MTMR10: variants seen among roughly 807,000 people sequenced by gnomAD.
MTMR10 encodes myotubularin-related protein 10.
A neutral mutation model predicts 88.1 loss-of-function variants in MTMR10; 56 were observed. That is an observed-to-expected ratio of 0.64 (90% confidence interval 0.51 to 0.79). The LOEUF (loss-of-function observed/expected upper bound fraction) is 0.79. Ranked by LOEUF, MTMR10 falls within the 30% of genes least tolerant of loss-of-function variation. MTMR10 has a pLI of 0.00. For missense variants in MTMR10, 883 were observed against 924.7 expected (o/e 0.95, Z 0.58); for synonymous variants, 380 against 340.9 (o/e 1.11, Z -1.26).
rs1194027028 is a variant in MTMR10, at chr15:30,948,448, A to G, written c.1231T>C (p.Cys411Arg). Reference protein sequence around the residue: ...LQEEEGRDLSCCVASLVQVML... With the variant: ...LQEEEGRDLSRCVASLVQVML... ...ACTTGAACAAGAGAAGCTACACAAC[A>G]GCTCAAGTCTCTTCCTTCCTCCTCT... Residue 411 changes from cysteine to arginine, a missense_variant, in exon 13 of 16, where the codon TGT becomes CGT. Around this residue, in one of 3 missense-constraint regions of MTMR10, gnomAD observed 126 missense variants for 178.2 expected, o/e 0.71. Coordinates refer to ENST00000435680, the MANE Select transcript of MTMR10 (RefSeq NM_017762.3). The G allele has an allele frequency of 6.2e-7, 1 of 1,610,084 alleles. No homozygotes were observed. Among genetic ancestry groups the G allele is most frequent in the Non-Finnish European group, 8.5e-7 (1 of 1,177,892 alleles).
At chr15:30,952,891 G>A (rs2063270089) in intron 11 of MTMR10, among the ~76,000 whole-genome samples, 1 of 152,134 alleles carries the variant, frequency 6.6e-6, no homozygotes, top group Non-Finnish European at 1.5e-5. Flanking sequence ...CCAGGTTCAA[G>A]TGATTCTCCT....
chr15:30,974,427 G>A lies in MTMR10; in HGVS notation c.361C>T (p.Leu121=), dbSNP rs780615828. Residue 121 remains leucine, a synonymous_variant, in exon 5 of 16, where the codon CTA becomes TTA. Transcript: ENST00000435680. ...VNDHKRKQKV[L]GPNQKLKFNP... ...AATTTCAGTTTCTGGTTGGGGCCTA[G>A]GACTTTCTGCTTCCTCTTGTGGTCG... is the stretch of plus-strand genomic sequence containing the variant. 10 of 1,577,490 alleles carry A rather than the reference G, an allele frequency of 6.3e-6. No individual in the cohort carries two copies. In the Admixed American group the frequency reaches 1.6e-4, roughly 25 times the overall value.
At position 30,942,032 on chromosome 15, in the gene MTMR10, A is replaced by T; in HGVS notation, c.1772T>A (p.Leu591Ter). The change falls in exon 16 of 16, where the codon TTA becomes TAA. Residue 591 changes from leucine (L) to a stop codon, truncating the protein, a stop_gained. Transcript: ENST00000435680. LOFTEE classifies it low-confidence loss of function (END_TRUNC). The stretch of plus-strand genomic sequence containing the variant: ...TTGGTCACTGATGATTCCATTCTTT[A>T]AGGCAGACGGCATTCCTCTTAGTGT... The part of the protein sequence containing the change: ...SSTLRGMPSA[L>*]KNGIISDQEL... 1.9e-6 allele frequency: 3 copies of T among 1,613,962 alleles called. No homozygotes were observed. Among genetic ancestry groups the T allele is most frequent in the Non-Finnish European group, 2.5e-6 (3 of 1,179,864 alleles).
the MTMR10 span, among the ~76,000 whole-genome samples, chr15:30,918,952 CTTAA>C: frequency 4.6e-5 from 7 of 152,174 alleles, no homozygotes; most frequent in Non-Finnish European, 8.8e-5. Flanking sequence ...TTCCCCACTA[CTTAA>C]TTAATAGCTT....
intron 6 of MTMR10, among the ~76,000 whole-genome samples, chr15:30,965,380 G>C (rs1450375210): frequency 6.6e-6 from 1 of 152,236 alleles, no homozygotes; most frequent in Non-Finnish European, 1.5e-5. Flanking sequence ...CACAGCATCT[G>C]TAAGCAGGAT....
At chr15:30,925,200 G>A in the MTMR10 span, 7 of 1,614,034 alleles carry the variant, frequency 4.3e-6, no homozygotes, top group Non-Finnish European at 4.2e-6. Flanking sequence ...CTGTATCAGC[G>A]AGCCGTGCGC....
At chr15:30,938,264 T>TTAAG (rs1374692915), downstream of MTMR10, among the ~76,000 whole-genome samples, 1 of 152,208 alleles carries the variant, frequency 6.6e-6, no homozygotes, top group Non-Finnish European at 1.5e-5. Context: ...GATTCTTGAA[T>TTAAG]TAAGTTTTTC....
chr15:30,930,597 G>T, the MTMR10 span: 3 of 1,612,820 alleles, frequency 1.9e-6, no homozygotes, highest in African/African-American at 1.3e-5. Flanking sequence ...CAGGCACCTG[G>T]CTGCTGACTT....
At chr15:30,930,180 T>C in the MTMR10 span, among the ~76,000 whole-genome samples, 1 of 151,660 alleles carries the variant, frequency 6.6e-6, no homozygotes, top group South Asian at 2.1e-4. Flanking sequence ...TTGCTTGCCC[T>C]GTGGCTGAGG....
At position 30,990,849 on chromosome 15, in the gene MTMR10, T is replaced by C. The variant is rs2031269503; in HGVS notation, c.61-12A>G. 1 of 1,589,838 alleles carries C rather than the reference T, an allele frequency of 6.3e-7. No individual in the cohort carries two copies. Among genetic ancestry groups the C allele is most frequent in the African/African-American group, 1.3e-5 (1 of 74,530 alleles). ...ATCTTATCGTCAGTCTGAAATACAT[T>C]AGCAAAATAAATCAAAATCTCAATC... On this transcript the variant is annotated splice_polypyrimidine_tract_variant and intron_variant, in intron 1 of 15. Coordinates refer to ENST00000435680, the MANE Select transcript of MTMR10 (RefSeq NM_017762.3).
chr15:30,977,678 G>A (rs2030259542), intron 2 of MTMR10, among the ~76,000 whole-genome samples: 1 of 152,074 alleles, frequency 6.6e-6, no homozygotes, highest in African/African-American at 2.4e-5. Flanking sequence ...AGGGTCAATG[G>A]TAGAAAAGTG....
intron 7 of MTMR10, 51 bp from the exon 8 acceptor site, chr15:30,959,172 G>C: frequency 1.4e-6 from 2 of 1,445,674 alleles, no homozygotes; most frequent in African/African-American, 1.4e-5. Flanking sequence ...AGCAGGAATA[G>C]TGTGCTCCTG....
intron 2 of MTMR10, among the ~76,000 whole-genome samples, chr15:30,989,696 C>A (rs1432852748): frequency 7.2e-5 from 11 of 151,894 alleles, no homozygotes; most frequent in Admixed American, 7.2e-4. Flanking sequence ...CATTCTCCTG[C>A]CTCAGCCTCC....
At chr15:30,958,631 AAG>A (rs1311909300) in intron 9 of MTMR10, among the ~76,000 whole-genome samples, 1 of 152,240 alleles carries the variant, frequency 6.6e-6, no homozygotes, top group Non-Finnish European at 1.5e-5. Flanking sequence ...TCAGCAATGT[AAG>A]ATCCACAAGT....
At chr15:30,925,614 C>T in the MTMR10 span, among the ~76,000 whole-genome samples, 1 of 152,196 alleles carries the variant, frequency 6.6e-6, no homozygotes, top group Non-Finnish European at 1.5e-5. Flanking sequence ...CTCCCAGGGC[C>T]GGACCAGCGA....
chr15:30,990,755 T>C, intron 2 of MTMR10, 22 bp downstream of exon 2: 1 of 1,598,914 alleles, frequency 6.3e-7, no homozygotes. Context: ...AAGTATCTGT[T>C]AGAATCCTAA....
chr15:30,930,932 C>T, the MTMR10 span, among the ~76,000 whole-genome samples: 1 of 152,174 alleles, frequency 6.6e-6, no homozygotes, highest in Non-Finnish European at 1.5e-5. Context: ...ATCACTCCTG[C>T]TGTATTCTGT....
Position 30,959,094 on chromosome 15 carries a change from A to T in MTMR10, c.786T>A (p.Ser262Arg), listed in dbSNP as rs1159575369. 1 of 1,606,232 alleles carries T rather than the reference A, an allele frequency of 6.2e-7. No individual in the cohort carries two copies. Among genetic ancestry groups the T allele is most frequent in the East Asian group, 2.2e-5 (1 of 44,612 alleles). Residue 262 changes from serine to arginine, a missense_variant, in exon 8 of 16, where the codon AGT becomes AGA. Physicochemically the swap from Ser to Arg is moderately radical, Grantham distance 110 (BLOSUM62 -1). Around this residue, in one of 3 missense-constraint regions of MTMR10, gnomAD observed 414 missense variants for 423.2 expected, o/e 0.98. Coordinates refer to ENST00000435680, the MANE Select transcript of MTMR10 (RefSeq NM_017762.3). ...TCLPEYIVVP[S>R]SLADQDLKIF... The stretch of plus-strand genomic sequence containing the variant: ...TCTTTAGATCTTGGTCTGCTAAAGA[A>T]CTTGGCACTACAATGTATTCTGGAA...
rs2063171024 is a variant in MTMR10 at position 30,946,360 on chromosome 15, CAGG to C, written c.1548+767_1548+769del. On this transcript the variant is annotated intron_variant, in intron 14 of 15. Coordinates refer to ENST00000435680, the MANE Select transcript of MTMR10 (RefSeq NM_017762.3). ...GTGTTAGTTTGACAGATCCATTTTA[CAGG>C]TTAGCAACCTGGACTCTCAGGCTGA... is the stretch of plus-strand genomic sequence containing the variant. 8 of 200,486 alleles carry C rather than the reference CAGG, an allele frequency of 4.0e-5. No individual in the cohort carries two copies. The South Asian group carries it at 8.6e-4, about 22-fold the overall frequency. 12.4% of individuals were successfully genotyped at this position (200,486 alleles called of 1,614,324 possible). A position where few individuals can be genotyped will look rare whatever the true frequency, so the allele number is the denominator to read the frequency against.
Sources: allele counts gnomAD v4.1 joint callset (sites outside exome capture counted in the v4.1 genomes callset), GRCh38; gene constraint gnomAD v4.1.1; regional missense constraint gnomAD v4.1.1; transcripts MANE v1.5; gene names NCBI Gene and HGNC (gene_info 2026-07-23, HGNC 2026-07-21).